The following BAIAP3 variants were observed in gnomAD, a reference collection of about 807,000 sequenced individuals.
The protein encoded by BAIAP3 is BAI1-associated protein 3.
Under a neutral mutation model 149.7 loss-of-function variants are expected in BAIAP3, and 180 were observed. The ratio of observed to expected loss-of-function variants is 1.20; its 90% CI spans 1.07 to 1.36. The LOEUF (loss-of-function observed/expected upper bound fraction) is 1.36. Among genes scored for constraint, BAIAP3 ranks in the 40% most tolerant of loss-of-function variants. The probability of loss-of-function intolerance (pLI) is 0.00; values close to 1 mark genes in which losing one functional copy is unlikely to be tolerated. For synonymous variants in BAIAP3, 845 were observed against 670.7 expected (o/e 1.26, Z -4.02); for missense variants, 1,767 against 1,563.4 (o/e 1.13, Z -2.20).
chr16:1,336,736 A>G (rs939012284), intron 1 of BAIAP3, among the ~76,000 whole-genome samples: 15 of 152,206 alleles, frequency 9.9e-5, no homozygotes, highest in African/African-American at 3.4e-4. Flanking sequence ...CTGGCCTGGC[A>G]TGCAGGGCCA....
intron 5 of BAIAP3, 121 bp from the exon 6 acceptor site, chr16:1,340,801 C>A (rs2033875323): frequency 9.2e-7 from 1 of 1,082,166 alleles, no homozygotes; most frequent in Non-Finnish European, 1.4e-6. Context: ...CTTCCCCCAA[C>A]CCTGCACCCG....
chr16:1,346,228 A>G lies in BAIAP3; in HGVS notation c.2360A>G (p.Lys787Arg). ...LVRKAAGQALKGLAWPEGATG... is the reference protein window; with the variant it reads ...LVRKAAGQALRGLAWPEGATG... ...CGCAAGGCTGCTGGGCAGGCCTTGA[A>G]GGGCCTGGCATGGCCAGAGGGGGCC... is the stretch of plus-strand genomic sequence containing the variant. Residue 787 changes from lysine to arginine, a missense_variant, in exon 25 of 34, where the codon AAG becomes AGG. Transcript: ENST00000426824. 6.2e-7 allele frequency: 1 copy of G among 1,612,172 alleles called. No individual in the cohort carries two copies. The highest frequency in any genetic ancestry group is 8.5e-7 in the Non-Finnish European group (1 of 1,179,686).
At chr16:1,337,740 G>T (rs539472127) in intron 1 of BAIAP3, among the ~76,000 whole-genome samples, 3 of 152,318 alleles carry the variant, frequency 2.0e-5, no homozygotes, top group Admixed American at 1.3e-4. Flanking sequence ...AACATGAGGG[G>T]AACTGACGCT....
chr16:1,337,781 C>T (rs2033563540), intron 1 of BAIAP3, among the ~76,000 whole-genome samples: 1 of 152,228 alleles, frequency 6.6e-6, no homozygotes, highest in South Asian at 2.1e-4. Flanking sequence ...GTAGCCCCTA[C>T]ACCCGGCATT....
At chr16:1,343,722 A>G (rs1203696777) in intron 15 of BAIAP3, among the ~76,000 whole-genome samples, 8 of 152,224 alleles carry the variant, frequency 5.3e-5, no homozygotes, top group Non-Finnish European at 1.0e-4. Flanking sequence ...GCCAGGACTT[A>G]GGACAGGGCT....
rs2034172514 is a variant in BAIAP3 at position 1,344,493 on chromosome 16, A to G, written c.1627A>G (p.Arg543Gly). Reference sequence around the variant, plus strand: ...GAGAGGCAACCGTGAGTGGTACGACAGGATCCTGAATGACAAGAGTCCCCG... The same window carrying G: ...GAGAGGCAACCGTGAGTGGTACGACGGGATCCTGAATGACAAGAGTCCCCG... ...LKRGNREWYD[R>G]ILNDKSPREQ... Residue 543 changes from arginine to glycine, a missense_variant, in exon 18 of 34, where the codon AGG (arginine) becomes GGG (glycine). Arg to Gly is a moderately radical substitution (Grantham distance 125, BLOSUM62 -2). Coordinates refer to ENST00000426824, the MANE Select transcript of BAIAP3 (RefSeq NM_001199097.2). 6.2e-7 allele frequency: 1 copy of G among 1,613,204 alleles called. No individual in the cohort carries two copies. The highest frequency in any genetic ancestry group is 2.2e-5 in the East Asian group (1 of 44,858).
At chr16:1,345,470 T>G in intron 22 of BAIAP3, 98 bp downstream of exon 22, 1 of 1,039,798 alleles carries the variant, frequency 9.6e-7, no homozygotes, top group Non-Finnish European at 1.2e-6. Flanking sequence ...ACCCCCAGCC[T>G]CCTCCGCCTC....
Position 1,341,388 on chromosome 16 carries a change from C to T in BAIAP3, c.630C>T (p.Arg210=), listed in dbSNP as rs2033915692. 6.2e-7 allele frequency: 1 copy of T among 1,612,642 alleles called. No homozygotes were observed. The highest frequency in any genetic ancestry group is 8.5e-7 in the Non-Finnish European group (1 of 1,179,916). The change falls in exon 8 of 34, where the codon CGC becomes CGT. Residue 210 remains arginine (R), a synonymous_variant. Coordinates refer to ENST00000426824, the MANE Select transcript of BAIAP3 (RefSeq NM_001199097.2). ...RAQKEQRFGF[R]KGSKRGGPLP... is the part of the protein sequence containing the mutation. Reference sequence around the variant, plus strand: ...AGAAGGAGCAGCGCTTCGGCTTCCGCAAGGGCAGCAAGCGCGGTGGACCCC... The same window carrying T: ...AGAAGGAGCAGCGCTTCGGCTTCCGTAAGGGCAGCAAGCGCGGTGGACCCC...
chr16:1,344,160 C>G lies in BAIAP3; in HGVS notation c.1511+14C>G. The G allele has an allele frequency of 1.2e-6, 2 of 1,611,922 alleles. No individual in the cohort carries two copies. Among genetic ancestry groups the G allele is most frequent in the East Asian group, 4.5e-5 (2 of 44,870 alleles). ...GCTGCTGCTGAAGTGGGTGCAGCGCCGCGTGTCAGCGTGGGTGGGGGCGGC... is the reference window on the plus strand; with the variant it reads ...GCTGCTGCTGAAGTGGGTGCAGCGCGGCGTGTCAGCGTGGGTGGGGGCGGC... On this transcript the variant is annotated intron_variant, in intron 16 of 33. Coordinates refer to ENST00000426824, the MANE Select transcript of BAIAP3 (RefSeq NM_001199097.2).
rs1266466239 is a variant in BAIAP3, at chr16:1,344,114, C to G, written c.1479C>G (p.Ser493Arg). 1.9e-6 allele frequency: 3 copies of G among 1,611,742 alleles called. No individual in the cohort carries two copies. The highest frequency in any genetic ancestry group is 2.5e-6 in the Non-Finnish European group (3 of 1,179,820). The change falls in exon 16 of 34, where the codon AGC (serine) becomes AGG (arginine). Residue 493 changes from serine (S) to arginine (R), a missense_variant. Coordinates refer to ENST00000426824, the MANE Select transcript of BAIAP3 (RefSeq NM_001199097.2). ...QLRDYFPATN[S>R]TAVHRLELLL... ...GAGACTACTTCCCTGCCACCAACAGCACCGCTGTCCACCGCCTGGAGCTGC... is the reference window on the plus strand; with the variant it reads ...GAGACTACTTCCCTGCCACCAACAGGACCGCTGTCCACCGCCTGGAGCTGC...
At position 1,345,040 on chromosome 16, in the gene BAIAP3, C is replaced by G. The variant is rs150371508; in HGVS notation, c.1881C>G (p.Leu627=). Residue 627 remains leucine (L), a synonymous_variant, in exon 21 of 34, where the codon CTC becomes CTG. Coordinates refer to ENST00000426824, the MANE Select transcript of BAIAP3 (RefSeq NM_001199097.2). The part of the protein sequence containing the change: ...PKMTLEVASG[L]FELYLTLADL... The stretch of plus-strand genomic sequence containing the variant: ...TGACCCTGGAGGTGGCCTCGGGGCT[C>G]TTTGAGCTCTACCTGACCCTGGCTG... 9.9e-6 allele frequency: 16 copies of G among 1,612,354 alleles called. No individual in the cohort carries two copies. In the African/African-American group the frequency reaches 2.1e-4, roughly 22 times the overall value.
At position 1,342,599 on chromosome 16, in the gene BAIAP3, C is replaced by T. The variant is rs1338042650; in HGVS notation, c.1030C>T (p.His344Tyr). Reference protein sequence around the residue: ...PRSSASRVQGHCHLVLKLITT... With the variant: ...PRSSASRVQGYCHLVLKLITT... ...CTCCAGTGCCTCGCGTGTGCAGGGA[C>T]ACTGCCACCTGGTTCTCAAGCTGAT... is the stretch of plus-strand genomic sequence containing the variant. The change falls in exon 12 of 34, where the codon CAC (histidine) becomes TAC (tyrosine). Residue 344 changes from histidine (H) to tyrosine (Y), a missense_variant. Transcript: ENST00000426824. 6 of 1,570,756 alleles carry T rather than the reference C, an allele frequency of 3.8e-6. No homozygotes were observed. The highest frequency in any genetic ancestry group is 5.2e-6 in the Non-Finnish European group (6 of 1,158,756).
Position 1,337,198 on chromosome 16 carries a change from G to A in BAIAP3, c.-10-1342G>A, listed in dbSNP as rs114495774. On this transcript the variant is annotated intron_variant, in intron 1 of 33. Transcript: ENST00000426824. ...ACCCCTGTTGAAGGGGGTGTGCAGG[G>A]CAGGACCACCCGGCCTTCCTCCCTG... 7.4e-3 allele frequency among the ~76,000 whole-genome samples: 1,123 copies of A among 152,298 alleles called. 16 individuals are homozygous for A. Among genetic ancestry groups the A allele is most frequent in the African/African-American group, 0.026 (1,061 of 41,554 alleles).
chr16:1,341,895 C>A, intron 9 of BAIAP3, 29 bp downstream of exon 9: 1 of 1,604,318 alleles, frequency 6.2e-7, no homozygotes, highest in Non-Finnish European at 8.5e-7. Flanking sequence ...TGCAGGGCGG[C>A]GGGGATGCAC....
intron 2 of BAIAP3, 43 bp downstream of exon 2, chr16:1,338,723 T>C (rs1567158480): frequency 6.4e-7 from 1 of 1,560,348 alleles, no homozygotes; most frequent in Middle Eastern, 2.1e-4. Context: ...ACAGGGCCAT[T>C]TCCCGCCAGA....
chr16:1,343,402 G>T lies in BAIAP3; in HGVS notation c.1275G>T (p.Gln425His), dbSNP rs760246491. ...GGGCCGGGCCCCACAGGCACTGGCA[G>T]GTCAGCAGCCGCCACCATCAAACCT... is the stretch of plus-strand genomic sequence containing the variant. ...SPLQLAVLHW[Q>H]VSSRHHQTCT... The change falls in exon 15 of 34, where the codon CAG (glutamine) becomes CAT (histidine). Residue 425 changes from glutamine to histidine, a missense_variant. Transcript: ENST00000426824. The T allele has an allele frequency of 5.7e-6, 9 of 1,571,752 alleles. No homozygotes were observed. In the South Asian group the frequency reaches 1.0e-4, roughly 18 times the overall value.
At chr16:1,339,090 A>C in intron 3 of BAIAP3, 74 bp from the exon 4 acceptor site, 1 of 1,591,000 alleles carries the variant, frequency 6.3e-7, no homozygotes, top group East Asian at 2.3e-5. Flanking sequence ...CTCCTGGGGC[A>C]CCACCTGTCT....
intron 19 of BAIAP3, 48 bp downstream of exon 19, chr16:1,344,746 CAG>C (rs2034194951): frequency 4.6e-6 from 3 of 652,600 alleles, no homozygotes; most frequent in Non-Finnish European, 5.9e-6. Flanking sequence ...TCGGAGCCAA[CAG>C]GGCCTGCAGG....
intron 1 of BAIAP3, among the ~76,000 whole-genome samples, chr16:1,337,738 G>A (rs1596560088): frequency 6.6e-6 from 1 of 152,208 alleles, no homozygotes; most frequent in Admixed American, 6.5e-5. Flanking sequence ...GCAACATGAG[G>A]GGAACTGACG....
Sources: gnomAD v4.1 joint callset for allele counts (sites outside exome capture counted in the v4.1 genomes callset) on GRCh38, gnomAD v4.1.1 for gene constraint, MANE v1.5 for transcripts, NCBI Gene and HGNC (gene_info 2026-07-23, HGNC 2026-07-21) for gene names.